The following PARD3 variants were observed in gnomAD, a reference collection of about 807,000 sequenced individuals.
PARD3 encodes par-3 family cell polarity regulator, also known as partitioning defective 3 homolog.
PARD3 carries 75 observed loss-of-function variants against 155.4 expected under a neutral mutation model. The observed-to-expected ratio is 0.48, with a 90% confidence interval of 0.40 to 0.58. PARD3 has a LOEUF of 0.58. PARD3 is among the 20% of genes least tolerant of loss of function. The pLI is 0.00. For synonymous variants in PARD3, 576 were observed against 610.5 expected (o/e 0.94, Z 0.83); for missense variants, 1,642 against 1,721.7 (o/e 0.95, Z 0.82).
chr10:34,396,043 C>A, intron 7 of PARD3, among the ~76,000 whole-genome samples: 1 of 151,944 alleles, frequency 6.6e-6, no homozygotes, highest in South Asian at 2.1e-4. Context: ...GTAAGCAGTG[C>A]AAGATTCTTA....
chr10:34,452,219 A>C (rs1280315621), intron 4 of PARD3, among the ~76,000 whole-genome samples: 3 of 152,178 alleles, frequency 2.0e-5, no homozygotes, highest in African/African-American at 7.2e-5. Flanking sequence ...TTACTTAGAG[A>C]ATGAATAATT....
At chr10:34,346,348 A>G in intron 15 of PARD3, 3 of 1,281,642 alleles carry the variant, frequency 2.3e-6, no homozygotes, top group Non-Finnish European at 3.1e-6. Flanking sequence ...TTTTAGTTTT[A>G]GTTTTTCGCC....
At chr10:34,695,929 C>T (rs140655935) in intron 2 of PARD3, among the ~76,000 whole-genome samples, 62 of 152,260 alleles carry the variant, frequency 4.1e-4, no homozygotes, top group African/African-American at 1.4e-3. Context: ...TCAGGGCCAA[C>T]GCTGGGACCA....
intron 2 of PARD3, among the ~76,000 whole-genome samples, chr10:34,528,513 G>A (rs1013182105): frequency 2.0e-5 from 3 of 152,082 alleles, no homozygotes; most frequent in African/African-American, 7.2e-5. Flanking sequence ...ACTCCTCTGG[G>A]CTCAGTAGTG....
intron 19 of PARD3, among the ~76,000 whole-genome samples, chr10:34,330,290 T>C (rs557102723): frequency 4.0e-4 from 61 of 152,324 alleles, no homozygotes; most frequent in African/African-American, 1.3e-3. Flanking sequence ...ATGTTTACTT[T>C]AATATAAGAA....
chr10:34,808,962 G>C (rs1477874802), intron 1 of PARD3, among the ~76,000 whole-genome samples: 4 of 152,202 alleles, frequency 2.6e-5, no homozygotes, highest in Non-Finnish European at 5.9e-5. Flanking sequence ...TCCAGGGCCA[G>C]ATTCTCACAC....
intron 1 of PARD3, among the ~76,000 whole-genome samples, chr10:34,725,752 T>C (rs542579909): frequency 6.6e-6 from 1 of 152,248 alleles, no homozygotes; most frequent in Admixed American, 6.5e-5. Flanking sequence ...AGAAAGAAAC[T>C]CAGATGACAC....
chr10:34,184,416 T>C (rs1487511722), intron 22 of PARD3, among the ~76,000 whole-genome samples: 2 of 152,248 alleles, frequency 1.3e-5, no homozygotes. Context: ...TTGCCCTCCT[T>C]CGTGATTAGT....
chr10:34,197,889 C>T (rs1444239056), intron 22 of PARD3, among the ~76,000 whole-genome samples: 3 of 152,158 alleles, frequency 2.0e-5, no homozygotes, highest in African/African-American at 7.2e-5. Context: ...GCCACCACGC[C>T]CAGCTAATTT....
At chr10:34,127,387 A>T (rs1947344527) in intron 23 of PARD3, among the ~76,000 whole-genome samples, 1 of 152,184 alleles carries the variant, frequency 6.6e-6, no homozygotes, top group South Asian at 2.1e-4. Flanking sequence ...TGACCACCGC[A>T]CACTGATGTG....
intron 15 of PARD3, among the ~76,000 whole-genome samples, chr10:34,342,558 C>T (rs1385853306): frequency 6.6e-6 from 1 of 151,982 alleles, no homozygotes; most frequent in Non-Finnish European, 1.5e-5. Context: ...ATGAGTATTA[C>T]CAAAAACAAA....
chr10:34,369,495 T>A (rs1840364151), intron 12 of PARD3, among the ~76,000 whole-genome samples: 2 of 152,110 alleles, frequency 1.3e-5, no homozygotes, highest in African/African-American at 2.4e-5. Context: ...ATAATCCACA[T>A]AAAGAGTTTC....
chr10:34,284,867 T>C (rs530401159), intron 20 of PARD3, among the ~76,000 whole-genome samples: 1 of 152,352 alleles, frequency 6.6e-6, no homozygotes, highest in Middle Eastern at 3.4e-3. Flanking sequence ...GTGGCATCTA[T>C]GACTTATAAA....
chr10:34,622,743 A>C lies in PARD3; in HGVS notation c.222+73575T>G, dbSNP rs11009836. Among the ~76,000 whole-genome samples, 39 of 152,244 alleles carry C rather than the reference A, an allele frequency of 2.6e-4. No homozygotes were observed. In the East Asian group the frequency reaches 7.5e-3, roughly 29 times the overall value. ...AACAAGATAATTTTGTTAGGAGAAA[A>C]TCTAAGGCCGAACAGTAATAGAGGT... On this transcript the variant is annotated intron_variant, in intron 2 of 24. Transcript: ENST00000374788.
chr10:34,311,828 T>C (rs925182947), intron 20 of PARD3, among the ~76,000 whole-genome samples: 3 of 152,132 alleles, frequency 2.0e-5, no homozygotes, highest in African/African-American at 7.2e-5. Flanking sequence ...CCTTTCAAAC[T>C]GGTCCATCTG....
chr10:34,182,742 T>TA (rs11406207), intron 22 of PARD3, among the ~76,000 whole-genome samples: 35,118 of 133,238 alleles, frequency 0.26, 4,650 homozygotes, highest in Middle Eastern at 0.36. Flanking sequence ...CTACATTTCT[T>TA]AAAAAAAAAA....
At chr10:34,340,317 A>G (rs1336897148) in intron 16 of PARD3, among the ~76,000 whole-genome samples, 1 of 152,226 alleles carries the variant, frequency 6.6e-6, no homozygotes, top group African/African-American at 2.4e-5. Flanking sequence ...CACTGCGTCT[A>G]TCTAATCCTT....
At chr10:34,809,409 G>A (rs377145750) in intron 1 of PARD3, among the ~76,000 whole-genome samples, 6 of 152,070 alleles carry the variant, frequency 3.9e-5, no homozygotes, top group Non-Finnish European at 5.9e-5. Flanking sequence ...CATCTGAGTC[G>A]GTACAGGAGC....
intron 2 of PARD3, among the ~76,000 whole-genome samples, chr10:34,576,539 T>A (rs1029954576): frequency 6.6e-6 from 1 of 152,170 alleles, no homozygotes; most frequent in African/African-American, 2.4e-5. Flanking sequence ...AAAAGCTTTT[T>A]TTGGACCATA....
Sources: gnomAD v4.1 joint callset for allele counts (sites outside exome capture counted in the v4.1 genomes callset) on GRCh38, gnomAD v4.1.1 for gene constraint, MANE v1.5 for transcripts, NCBI Gene and HGNC (gene_info 2026-07-23, HGNC 2026-07-21) for gene names.